The following RPS6KC1 variants were observed in gnomAD, a reference collection of about 807,000 sequenced individuals.
RPS6KC1 encodes ribosomal protein S6 kinase C1, also known as inactive ribosomal protein S6 kinase delta-1.
RPS6KC1 carries 54 observed loss-of-function variants against 103.8 expected under a neutral mutation model. That is an observed-to-expected ratio of 0.52 (90% CI 0.42 to 0.65). RPS6KC1 has a LOEUF of 0.65. Ranked by LOEUF, RPS6KC1 falls within the 30% of genes least tolerant of loss-of-function variation. RPS6KC1 has a pLI of 0.00. For missense variants in RPS6KC1, 1,151 were observed against 1,253.8 expected (o/e 0.92, Z 1.24); for synonymous variants, 439 against 438.7 (o/e 1.00, Z -0.01).
chr1:213,298,172 C>T, the RPS6KC1 span, among the ~76,000 whole-genome samples: 1 of 152,218 alleles, frequency 6.6e-6, no homozygotes, highest in Non-Finnish European at 1.5e-5. Context: ...TTTCAGTGTT[C>T]CACACCTTCG....
chr1:213,101,447 A>G (rs1176743834), intron 3 of RPS6KC1, among the ~76,000 whole-genome samples: 1 of 152,210 alleles, frequency 6.6e-6, no homozygotes, highest in African/African-American at 2.4e-5. Context: ...TGCTTGTCAA[A>G]GTTTAGTGGA....
intron 5 of RPS6KC1, among the ~76,000 whole-genome samples, chr1:213,117,762 C>T (rs1370540917): frequency 1.3e-5 from 2 of 151,620 alleles, no homozygotes; most frequent in African/African-American, 4.8e-5. Flanking sequence ...GTGGCTCATG[C>T]CTGTAATCCC....
At chr1:213,724,921 G>C in the RPS6KC1 span, among the ~76,000 whole-genome samples, 1 of 152,176 alleles carries the variant, frequency 6.6e-6, no homozygotes, top group East Asian at 1.9e-4. Context: ...CTGAGGCTTA[G>C]AGAGGTCATG....
intron 1 of RPS6KC1, among the ~76,000 whole-genome samples, chr1:213,067,077 C>T (rs1213255658): frequency 6.6e-6 from 1 of 152,132 alleles, no homozygotes; most frequent in East Asian, 1.9e-4. Flanking sequence ...AGCCCCCTCC[C>T]CACGTCGAGT....
chr1:213,799,102 T>A, the RPS6KC1 span, among the ~76,000 whole-genome samples: 1 of 152,218 alleles, frequency 6.6e-6, no homozygotes, highest in East Asian at 1.9e-4. Context: ...GGGAAAGTAG[T>A]CAGAATATTT....
chr1:213,210,985 T>C (rs1489440887), intron 8 of RPS6KC1, among the ~76,000 whole-genome samples: 5 of 152,238 alleles, frequency 3.3e-5, no homozygotes, highest in Admixed American at 6.5e-5. Flanking sequence ...TAGGGACTTA[T>C]TTTAAGTGTA....
In RPS6KC1 at chr1:213,051,267, A is replaced by T. The variant is rs993436688; in HGVS notation, c.-138A>T. On this transcript the variant is annotated 5_prime_UTR_variant, in exon 1 of 15. Transcript: ENST00000366960. ...ACCCGGAAGCAGAGCTGTGCAGCTGAGGCGCCGCCGTGGAGCCGCCTTGGA... is the reference window on the plus strand; with the variant it reads ...ACCCGGAAGCAGAGCTGTGCAGCTGTGGCGCCGCCGTGGAGCCGCCTTGGA... 15 of 629,814 alleles carry T rather than the reference A, an allele frequency of 2.4e-5. No homozygotes were observed. The African/African-American group carries it at 2.6e-4, about 11-fold the overall frequency. 39.0% of individuals were successfully genotyped at this position (629,814 alleles called of 1,614,324 possible).
chr1:213,336,297 C>T, the RPS6KC1 span, among the ~76,000 whole-genome samples: 1 of 152,160 alleles, frequency 6.6e-6, no homozygotes, highest in Admixed American at 6.5e-5. Context: ...GTCAACATCC[C>T]AGAGCTAGAC....
chr1:213,054,024 C>T (rs1244922775), intron 1 of RPS6KC1, among the ~76,000 whole-genome samples: 3 of 151,846 alleles, frequency 2.0e-5, no homozygotes, highest in East Asian at 1.9e-4. Flanking sequence ...TTTGTAGAGA[C>T]GAGGTTTCGC....
chr1:213,296,429 C>T, the RPS6KC1 span, among the ~76,000 whole-genome samples: 1 of 152,186 alleles, frequency 6.6e-6, no homozygotes, highest in South Asian at 2.1e-4. Flanking sequence ...CTTTACTGTG[C>T]ACTCCCTGGG....
chr1:213,767,966 G>T, the RPS6KC1 span, among the ~76,000 whole-genome samples: 1 of 152,164 alleles, frequency 6.6e-6, no homozygotes, highest in Non-Finnish European at 1.5e-5. Context: ...ATAAAGGCAA[G>T]CAGATAGCAG....
chr1:213,342,446 C>T, the RPS6KC1 span, among the ~76,000 whole-genome samples: 1 of 152,136 alleles, frequency 6.6e-6, no homozygotes, highest in African/African-American at 2.4e-5. Flanking sequence ...TACACAGAAA[C>T]TTGTTATTTT....
At chr1:213,500,955 A>G in the RPS6KC1 span, among the ~76,000 whole-genome samples, 2 of 152,204 alleles carry the variant, frequency 1.3e-5, no homozygotes, top group Non-Finnish European at 2.9e-5. Context: ...TAAAATACCT[A>G]GCAATAAACT....
At chr1:213,555,523 A>T in the RPS6KC1 span, among the ~76,000 whole-genome samples, 763 of 152,226 alleles carry the variant, frequency 5.0e-3, 6 homozygotes, top group African/African-American at 0.014. Flanking sequence ...ATCTTTGCTC[A>T]CTGCAGCCTC....
chr1:213,551,776 C>A, the RPS6KC1 span, among the ~76,000 whole-genome samples: 2 of 152,156 alleles, frequency 1.3e-5, no homozygotes, highest in Non-Finnish European at 2.9e-5. Context: ...TGGATTTGGA[C>A]AAATGTATGA....
rs148527697 is a variant in RPS6KC1, at chr1:213,145,771, A to G, written c.835+15882A>G. Among the ~76,000 whole-genome samples the G allele has an allele frequency of 2.9e-3, 441 of 152,044 alleles. 4 individuals carry two copies. Among genetic ancestry groups the G allele is most frequent in the African/African-American group, 0.01 (427 of 41,484 alleles). On this transcript the variant is annotated intron_variant, in intron 6 of 14. Coordinates refer to ENST00000366960, the MANE Select transcript of RPS6KC1 (RefSeq NM_012424.6). The stretch of plus-strand genomic sequence containing the variant: ...GTAGGTGTATATATTTATGGGGTGC[A>G]TGAGATGTTTTGATACAGGCATGCA...
At chr1:213,769,785 C>T in the RPS6KC1 span, among the ~76,000 whole-genome samples, 1 of 152,110 alleles carries the variant, frequency 6.6e-6, no homozygotes, top group African/African-American at 2.4e-5. Flanking sequence ...TTTGAACTGT[C>T]CCCAAATGAA....
the RPS6KC1 span, among the ~76,000 whole-genome samples, chr1:213,737,625 T>G: frequency 6.6e-6 from 1 of 152,152 alleles, no homozygotes; most frequent in Admixed American, 6.5e-5. Context: ...GGCAAGGTTA[T>G]GCAACTGGTG....
intron 8 of RPS6KC1, among the ~76,000 whole-genome samples, chr1:213,187,048 A>C (rs796366518): frequency 4.9e-4 from 74 of 152,192 alleles, no homozygotes; most frequent in African/African-American, 1.7e-3. Context: ...CTGGGACCAC[A>C]GGCTTGTGCC....
Sources: allele counts gnomAD v4.1 joint callset (sites outside exome capture counted in the v4.1 genomes callset), GRCh38; gene constraint gnomAD v4.1.1; transcripts MANE v1.5; gene names NCBI Gene and HGNC (gene_info 2026-07-23, HGNC 2026-07-21).